The following ZNF184 variants were observed in gnomAD, a reference collection of about 807,000 sequenced individuals.
ZNF184 encodes the protein zinc finger protein 184, also known as zinc finger protein 184 (Kruppel-like).
ZNF184 carries 16 observed loss-of-function variants against 54.4 expected under a neutral mutation model. The ratio of observed to expected loss-of-function variants is 0.29; its 90% confidence interval spans 0.20 to 0.45. ZNF184 has a LOEUF of 0.45. Ranked by LOEUF, ZNF184 falls within the 20% of genes least tolerant of loss-of-function variation. The pLI is 1.00. For missense variants in ZNF184, 681 were observed against 888.2 expected, an observed-to-expected ratio of 0.77 and a Z score of 2.97; for synonymous variants, 254 against 295.3, an observed-to-expected ratio of 0.86 and a Z score of 1.43.
chr6:27,417,708 G>A, the ZNF184 span, among the ~76,000 whole-genome samples: 1 of 152,160 alleles, frequency 6.6e-6, no homozygotes, highest in Non-Finnish European at 1.5e-5. Flanking sequence ...GTCTAAGCAG[G>A]ACAACTTCCT....
the ZNF184 span, among the ~76,000 whole-genome samples, chr6:27,431,437 T>A: frequency 6.6e-6 from 1 of 152,224 alleles, no homozygotes; most frequent in Non-Finnish European, 1.5e-5. Context: ...TTCTTTTGTA[T>A]CAAACTATTT....
chr6:27,443,629 TCA>T, the ZNF184 span, among the ~76,000 whole-genome samples: 11 of 152,196 alleles, frequency 7.2e-5, no homozygotes, highest in East Asian at 1.9e-3. Context: ...CCTCAAAACC[TCA>T]GTTTCAAGCA....
chr6:27,456,904 G>T lies in ZNF184; in HGVS notation c.220C>A (p.Pro74Thr). ...TGCTCTAACTGGGAAATCACATCAG[G>T]TTTAGAAACTTGGAGTCCTGTTCAT... is the stretch of plus-strand genomic sequence containing the variant. ...LVSIGLQVSK[P>T]DVISQLEQGT... The change falls in exon 5 of 6, where the codon CCT (proline) becomes ACT (threonine). Residue 74 changes from proline to threonine, a missense_variant. Pro to Thr is a conservative substitution (Grantham distance 38). Transcript: ENST00000683788. The T allele has an allele frequency of 6.2e-7, 1 of 1,614,074 alleles. No individual in the cohort carries two copies. The highest frequency in any genetic ancestry group is 8.5e-7 in the Non-Finnish European group (1 of 1,180,002).
At chr6:27,421,803 C>G in the ZNF184 span, among the ~76,000 whole-genome samples, 1 of 152,132 alleles carries the variant, frequency 6.6e-6, no homozygotes, top group Non-Finnish European at 1.5e-5. Flanking sequence ...TGTGGTAGCT[C>G]ACGCCTGTAA....
chr6:27,422,434 C>T, the ZNF184 span, among the ~76,000 whole-genome samples: 10 of 151,994 alleles, frequency 6.6e-5, no homozygotes, highest in Non-Finnish European at 1.2e-4. Flanking sequence ...ATTTCTTCTT[C>T]CCTTTAACCT....
In ZNF184 at chr6:27,470,525, C is replaced by CT. The variant is rs1208577884; in HGVS notation, c.7+1762dup. Among the ~76,000 whole-genome samples the CT allele has an allele frequency of 5.9e-5, 9 of 152,226 alleles. 1 individual carries two copies. Among genetic ancestry groups the CT allele is most frequent in the African/African-American group, 2.2e-4 (9 of 41,552 alleles). On this transcript the variant is annotated intron_variant, in intron 2 of 5. Coordinates refer to ENST00000683788, the MANE Select transcript of ZNF184 (RefSeq NM_001318891.2). ...CTTGATCTTGACCAGTAAAGAAAAA[C>CT]TGTTTTGTAACAGAAGTCTTAAGAA...
chr6:27,431,097 T>G, the ZNF184 span, among the ~76,000 whole-genome samples: 1 of 152,202 alleles, frequency 6.6e-6, no homozygotes, highest in Non-Finnish European at 1.5e-5. Flanking sequence ...ATTTCACCAA[T>G]AGACCCATCC....
chr6:27,468,230 T>C (rs1181264443), intron 2 of ZNF184, among the ~76,000 whole-genome samples: 24 of 152,132 alleles, frequency 1.6e-4, no homozygotes, highest in Admixed American at 1.6e-3. Context: ...CTGCTACATA[T>C]AAAATATGAA....
downstream of ZNF184, among the ~76,000 whole-genome samples, chr6:27,446,971 C>A (rs1762644050): frequency 6.6e-6 from 1 of 151,606 alleles, no homozygotes; most frequent in Admixed American, 6.6e-5. Context: ...CTGGTGAAAC[C>A]CTGTCTCTAC....
intron 3 of ZNF184, among the ~76,000 whole-genome samples, chr6:27,461,025 T>G (rs754527556): frequency 2.8e-4 from 42 of 152,322 alleles, no homozygotes; most frequent in East Asian, 5.8e-4. Context: ...GTGTGCCCAG[T>G]GCACTGGGAC....
Position 27,472,502 on chromosome 6 carries a change from C to G in ZNF184, c.-139-69G>C. On this transcript the variant is annotated intron_variant, in intron 1 of 5. Coordinates refer to ENST00000683788, the MANE Select transcript of ZNF184 (RefSeq NM_001318891.2). This position sits in a 1 kb window ranked among gnomAD's most constrained non-coding sequence, Gnocchi z 4.8. Reference sequence around the variant, plus strand: ...ACACATCAGAGTCTTGCAAAGTGACCAAGAGGTGCTACACAAGAGAAGTGC... The same window carrying G: ...ACACATCAGAGTCTTGCAAAGTGACGAAGAGGTGCTACACAAGAGAAGTGC... The G allele has an allele frequency of 1.7e-6, 1 of 600,634 alleles. No homozygotes were observed. Among genetic ancestry groups the G allele is most frequent in the Non-Finnish European group, 3.0e-6 (1 of 336,556 alleles). 37.2% of individuals were successfully genotyped at this position (600,634 alleles called of 1,614,324 possible).
At chr6:27,424,056 A>G in the ZNF184 span, among the ~76,000 whole-genome samples, 1 of 152,132 alleles carries the variant, frequency 6.6e-6, no homozygotes, top group Non-Finnish European at 1.5e-5. Flanking sequence ...ACAACTCCTA[A>G]AGTGGCACGC....
Position 27,472,440 on chromosome 6 carries a change from G to T in ZNF184, c.-139-7C>A. 1 of 959,702 alleles carries T rather than the reference G, an allele frequency of 1.0e-6. No homozygotes were observed. Among genetic ancestry groups the T allele is most frequent in the Non-Finnish European group, 1.6e-6 (1 of 624,534 alleles). 59.4% of individuals were successfully genotyped at this position (959,702 alleles called of 1,614,324 possible). On this transcript the variant is annotated splice_polypyrimidine_tract_variant and splice_region_variant and intron_variant, in intron 1 of 5. Coordinates refer to ENST00000683788, the MANE Select transcript of ZNF184 (RefSeq NM_001318891.2). This position sits in a 1 kb window ranked among gnomAD's most constrained non-coding sequence, Gnocchi z 4.8. ...CACGCTGAGGTTGTCTACCCTAAAA[G>T]ACACAGGATGGCGTCAGCAGCATAC... is the stretch of plus-strand genomic sequence containing the variant.
intron 3 of ZNF184, 120 bp downstream of exon 3, chr6:27,467,733 T>C: frequency 1.1e-6 from 1 of 894,902 alleles, no homozygotes; most frequent in Non-Finnish European, 1.7e-6. Flanking sequence ...ACTAGACAGA[T>C]GAGAGCCCAG....
chr6:27,441,006 A>G, the ZNF184 span, among the ~76,000 whole-genome samples: 2,591 of 152,192 alleles, frequency 0.017, 45 homozygotes, highest in African/African-American at 0.045. Context: ...CTCTGTCTCA[A>G]AAAAATAAAT....
chr6:27,424,791 G>A, the ZNF184 span, among the ~76,000 whole-genome samples: 1 of 152,250 alleles, frequency 6.6e-6, no homozygotes, highest in Non-Finnish European at 1.5e-5. Flanking sequence ...TGGGGCTGCA[G>A]GTGGAGCTGC....
At chr6:27,458,546 A>G (rs1762921768) in intron 3 of ZNF184, among the ~76,000 whole-genome samples, 1 of 151,636 alleles carries the variant, frequency 6.6e-6, no homozygotes, top group African/African-American at 2.4e-5. Flanking sequence ...AATCAAAACC[A>G]TAATAAGATA....
chr6:27,416,925 G>C, the ZNF184 span, among the ~76,000 whole-genome samples: 8 of 152,274 alleles, frequency 5.3e-5, 1 homozygote, highest in East Asian at 9.7e-4. Flanking sequence ...AGATGACACA[G>C]ATAGAAAAAT....
the ZNF184 span, among the ~76,000 whole-genome samples, chr6:27,426,258 C>T: frequency 6.6e-6 from 1 of 152,208 alleles, no homozygotes; most frequent in Non-Finnish European, 1.5e-5. The surrounding 1 kb of genome is among the most constrained non-coding windows in gnomAD (Gnocchi z 4.2). Context: ...TCAATATCCA[C>T]GTGTATGAAT....
Sources: gnomAD v4.1 joint callset for allele counts (sites outside exome capture counted in the v4.1 genomes callset) on GRCh38, gnomAD v4.1.1 for gene constraint, Gnocchi (gnomAD v3.1) non-coding constraint, MANE v1.5 for transcripts, NCBI Gene and HGNC (gene_info 2026-07-23, HGNC 2026-07-21) for gene names.